The following GIT1 variants were observed in gnomAD, a reference collection of about 807,000 sequenced individuals.
GIT1 encodes ARF GTPase-activating protein GIT1.
In GIT1, 14 loss-of-function variants were observed where a neutral mutation model predicts 91.7. The ratio of observed to expected loss-of-function variants is 0.15; its 90% CI spans 0.10 to 0.24. The LOEUF (loss-of-function observed/expected upper bound fraction) is 0.24, where lower values mean the gene tolerates loss of function less well. Ranked by LOEUF, GIT1 falls within the 10% of genes least tolerant of loss-of-function variation. The pLI, the probability that GIT1 is intolerant of heterozygous loss-of-function variation, is 1.00. For synonymous variants in GIT1, 414 were observed against 418.2 expected (o/e 0.99, Z 0.12); for missense variants, 717 against 1,024.9 (o/e 0.70, Z 4.10).
intron 9 of GIT1, 33 bp from the exon 10 acceptor site, chr17:29,577,775 G>A (rs370949609): frequency 2.2e-5 from 30 of 1,352,458 alleles, no homozygotes; most frequent in Middle Eastern, 1.8e-4. Context: ...GATCAGCCAC[G>A]GTGGCCAGGC....
intron 4 of GIT1, 81 bp from the exon 5 acceptor site, chr17:29,582,225 C>G: frequency 9.4e-7 from 1 of 1,068,664 alleles, no homozygotes; most frequent in Admixed American, 2.0e-5. Flanking sequence ...CTGGCTGCCC[C>G]TGGGACACCT....
Position 29,581,121 on chromosome 17 carries a change from G to A in GIT1, c.761+217C>T. ...ACCCAAGCCCTCCATGTACTTGACA[G>A]TCACGGGGCTCAGGCTATGCGGGCC... On this transcript the variant is annotated intron_variant, in intron 7 of 19. Transcript: ENST00000225394. The surrounding 1 kb of genome is among the most constrained non-coding windows in gnomAD (Gnocchi z 4.8). 1.7e-6 allele frequency: 1 copy of A among 590,230 alleles called. No individual in the cohort carries two copies. The highest frequency in any genetic ancestry group is 2.9e-5 in the Admixed American group (1 of 34,716). The allele number at this position is 590,230 out of a possible 1,614,324, so 36.6% of individuals were successfully genotyped here. A position where few individuals can be genotyped will look rare whatever the true frequency, so the allele number is the denominator to read the frequency against.
In GIT1 at chr17:29,576,538, C is replaced by T. The variant is rs201563816; in HGVS notation, c.1364G>A (p.Arg455Gln). The change falls in exon 13 of 20, where the codon CGG becomes CAG. Residue 455 changes from arginine to glutamine, a missense_variant. Arg to Gln is a conservative substitution (Grantham distance 43). Transcript: ENST00000225394. ...KVNSSLSDEL[R>Q]RLQREIHKLQ... Reference sequence around the variant, plus strand: ...CACCCTCACCTCTCGCTGCAGCCTCCGGAGCTCGTCGCTCAGGCTACTGTT... The same window carrying T: ...CACCCTCACCTCTCGCTGCAGCCTCTGGAGCTCGTCGCTCAGGCTACTGTT... 7.7e-5 allele frequency: 124 copies of T among 1,613,788 alleles called. No individual in the cohort carries two copies. Among genetic ancestry groups the T allele is most frequent in the Middle Eastern group, 1.6e-4 (1 of 6,084 alleles).
At chr17:29,579,368 G>T in intron 7 of GIT1, 1 of 290,044 alleles carries the variant, frequency 3.4e-6, no homozygotes, top group Non-Finnish European at 6.6e-6. Context: ...GTGATTTTTT[G>T]GATACACCTG....
Position 29,576,365 on chromosome 17 carries a change from T to C in GIT1, c.1466A>G (p.Glu489Gly), listed in dbSNP as rs772683769. ...PTPPLPSERAEHTPMAPGGST... is the reference protein window; with the variant it reads ...PTPPLPSERAGHTPMAPGGST... Reference sequence around the variant, plus strand: ...CCCGCCTGGCGCCATGGGTGTGTGTTCCGCCCGTTCACTGGGGAGTGGAGG... The same window carrying C: ...CCCGCCTGGCGCCATGGGTGTGTGTCCCGCCCGTTCACTGGGGAGTGGAGG... Residue 489 changes from glutamate to glycine, a missense_variant, in exon 14 of 20, where the codon GAA becomes GGA. Coordinates refer to ENST00000225394, the MANE Select transcript of GIT1 (RefSeq NM_014030.4). 6.2e-7 allele frequency: 1 copy of C among 1,613,316 alleles called. No homozygotes were observed. Among genetic ancestry groups the C allele is most frequent in the African/African-American group, 1.3e-5 (1 of 74,916 alleles).
At position 29,574,693 on chromosome 17, in the gene GIT1, GGA is replaced by G. The variant is rs2033121800; in HGVS notation, c.*7_*8del. On this transcript the variant is annotated 3_prime_UTR_variant, in exon 20 of 20. Transcript: ENST00000225394. Reference sequence around the variant, plus strand: ...TCCTAGGGTGCAGGTGAGGGTGTGGGGAGAGAGGTCACTGCTTCTTCTCTCGG... The same window carrying G: ...TCCTAGGGTGCAGGTGAGGGTGTGGGGAGAGGTCACTGCTTCTTCTCTCGG... 8.7e-6 allele frequency: 14 copies of G among 1,602,320 alleles called. No individual in the cohort carries two copies. Among genetic ancestry groups the G allele is most frequent in the Middle Eastern group, 1.6e-4 (1 of 6,068 alleles).
At chr17:29,577,445 G>A (rs2033250661) in intron 10 of GIT1, among the ~76,000 whole-genome samples, 198 bp from the exon 11 acceptor site, 1 of 152,188 alleles carries the variant, frequency 6.6e-6, no homozygotes. Flanking sequence ...CTGAGCAGAG[G>A]CCGGAACACC....
chr17:29,586,984 G>A (rs1345845137), intron 1 of GIT1, among the ~76,000 whole-genome samples: 2 of 152,156 alleles, frequency 1.3e-5, no homozygotes, highest in Admixed American at 6.5e-5. Context: ...GAGGGAGGAT[G>A]GGGCTCTCTG....
chr17:29,579,788 T>C (rs1048854564), intron 7 of GIT1, among the ~76,000 whole-genome samples: 4 of 150,874 alleles, frequency 2.7e-5, no homozygotes, highest in African/African-American at 7.3e-5. Context: ...CCCTGAAAAA[T>C]AGATGCTGTC....
Position 29,581,484 on chromosome 17 carries a change from A to G in GIT1, c.719-104T>C, listed in dbSNP as rs2033393464. On this transcript the variant is annotated intron_variant, in intron 6 of 19. Transcript: ENST00000225394. The surrounding 1 kb of genome is among the most constrained non-coding windows in gnomAD (Gnocchi z 4.8). ...AGCAGGGCTGGCACCCAGAAGTGTC[A>G]GGGGAAAGTGGGGAGGGCAGGCCAC... The G allele has an allele frequency of 4.1e-6, 4 of 972,522 alleles. No individual in the cohort carries two copies. The Admixed American group carries it at 7.1e-5, about 17-fold the overall frequency. The allele number at this position is 972,522 out of a possible 1,614,324, so 60.2% of individuals were successfully genotyped here. A position where few individuals can be genotyped will look rare whatever the true frequency, so the allele number is the denominator to read the frequency against.
chr17:29,588,927 G>A (rs986960329), intron 1 of GIT1, among the ~76,000 whole-genome samples: 3 of 152,192 alleles, frequency 2.0e-5, no homozygotes, highest in Non-Finnish European at 2.9e-5. Flanking sequence ...ACGCGGGGGT[G>A]GCACTGAGAT....
At position 29,574,568 on chromosome 17, in the gene GIT1, G is replaced by A. The variant is rs1487384224; in HGVS notation, c.*134C>T. On this transcript the variant is annotated 3_prime_UTR_variant, in exon 20 of 20. Coordinates refer to ENST00000225394, the MANE Select transcript of GIT1 (RefSeq NM_014030.4). ...ACAGGGGTGGGCACCAGGGCACCTG[G>A]CTGCCAGGGAGTGTGGCAGCACTAA... The A allele has an allele frequency of 2.5e-6, 2 of 801,862 alleles. No homozygotes were observed. The highest frequency in any genetic ancestry group is 2.1e-6 in the Non-Finnish European group (1 of 471,704). The allele number at this position is 801,862 out of a possible 1,614,324, so 49.7% of individuals were successfully genotyped here.
chr17:29,580,275 C>G (rs1433610174), intron 7 of GIT1, among the ~76,000 whole-genome samples: 2 of 152,236 alleles, frequency 1.3e-5, no homozygotes, highest in African/African-American at 2.4e-5. Context: ...TTACCATACA[C>G]ATGCACGCAT....
chr17:29,580,595 C>T (rs189047047), intron 7 of GIT1, among the ~76,000 whole-genome samples: 1 of 152,144 alleles, frequency 6.6e-6, no homozygotes, highest in Non-Finnish European at 1.5e-5. Context: ...CCTCAGCGCA[C>T]GTGCCTAATT....
At chr17:29,582,555 G>C in intron 4 of GIT1, 143 bp downstream of exon 4, 1 of 636,246 alleles carries the variant, frequency 1.6e-6, no homozygotes, top group Non-Finnish European at 2.8e-6. Flanking sequence ...CCAACAATCT[G>C]CTCTCTCCAC....
rs1168087778 is a variant in GIT1, at chr17:29,581,141, C to T, written c.761+197G>A. The T allele has an allele frequency of 2.5e-5, 15 of 607,232 alleles. No homozygotes were observed. The highest frequency in any genetic ancestry group is 1.9e-4 in the South Asian group (10 of 53,176). The allele number at this position is 607,232 out of a possible 1,614,324, so 37.6% of individuals were successfully genotyped here. A position where few individuals can be genotyped will look rare whatever the true frequency, so the allele number is the denominator to read the frequency against. On this transcript the variant is annotated intron_variant, in intron 7 of 19. Transcript: ENST00000225394. This position sits in a 1 kb window ranked among gnomAD's most constrained non-coding sequence, Gnocchi z 4.8. The stretch of plus-strand genomic sequence containing the variant: ...TGACAGTCACGGGGCTCAGGCTATG[C>T]GGGCCACATATGGAGCTGACATTTT...
rs2150823018 is a variant in GIT1, at chr17:29,575,546, C to T, written c.1827-76G>A. On this transcript the variant is annotated intron_variant, in intron 17 of 19. Transcript: ENST00000225394. This position sits in a 1 kb window ranked among gnomAD's most constrained non-coding sequence, Gnocchi z 5.5. Reference sequence around the variant, plus strand: ...ACGTTCCAGCCTCGGAGCCGCCCGCCTTGGTCCTCACACACTGGGGGCCCT... The same window carrying T: ...ACGTTCCAGCCTCGGAGCCGCCCGCTTTGGTCCTCACACACTGGGGGCCCT... 1 of 1,564,416 alleles carries T rather than the reference C, an allele frequency of 6.4e-7. No homozygotes were observed. The highest frequency in any genetic ancestry group is 2.3e-5 in the East Asian group (1 of 44,390).
intron 1 of GIT1, among the ~76,000 whole-genome samples, chr17:29,585,186 C>T (rs1262222037): frequency 6.6e-6 from 1 of 152,020 alleles, no homozygotes; most frequent in Non-Finnish European, 1.5e-5. Context: ...GCTGGCTTTA[C>T]CCAAATAGTG....
intron 1 of GIT1, among the ~76,000 whole-genome samples, chr17:29,587,806 G>A (rs776642593): frequency 2.6e-5 from 4 of 152,256 alleles, no homozygotes; most frequent in East Asian, 1.9e-4. Flanking sequence ...AGACTCCCCC[G>A]ATTGGGCGCC....
Sources: gnomAD v4.1 joint callset for allele counts (sites outside exome capture counted in the v4.1 genomes callset) on GRCh38, gnomAD v4.1.1 for gene constraint, Gnocchi (gnomAD v3.1) non-coding constraint, MANE v1.5 for transcripts, NCBI Gene and HGNC (gene_info 2026-07-23, HGNC 2026-07-21) for gene names.